The following CNTNAP2 variants were observed in gnomAD, a reference collection of about 807,000 sequenced individuals.
CNTNAP2 encodes the protein contactin associated protein 2.
A neutral mutation model predicts 155.2 loss-of-function variants in CNTNAP2; 98 were observed. The ratio of observed to expected loss-of-function variants is 0.63; its 90% CI spans 0.54 to 0.75. The LOEUF is 0.75. Among genes scored for constraint, CNTNAP2 ranks in the 30% least tolerant of loss-of-function variants. CNTNAP2 has a pLI of 0.00. For synonymous variants in CNTNAP2, 651 were observed against 631.2 expected (o/e 1.03, Z -0.47); for missense variants, 1,727 against 1,688.1 (o/e 1.02, Z -0.40).
chr7:147,476,403 C>T (rs960089925), intron 10 of CNTNAP2, among the ~76,000 whole-genome samples: 8 of 151,956 alleles, frequency 5.3e-5, no homozygotes, highest in Admixed American at 1.3e-4. Context: ...CCGCGCCCAC[C>T]TCTGTTTATT....
At chr7:147,696,857 G>A (rs1480028295) in intron 13 of CNTNAP2, among the ~76,000 whole-genome samples, 2 of 151,918 alleles carry the variant, frequency 1.3e-5, no homozygotes, top group African/African-American at 4.8e-5. Flanking sequence ...CATGGTCTCT[G>A]AGGAGATGTC....
chr7:148,021,664 A>C (rs1802281084), intron 15 of CNTNAP2, among the ~76,000 whole-genome samples: 1 of 152,164 alleles, frequency 6.6e-6, no homozygotes, highest in Non-Finnish European at 1.5e-5. Flanking sequence ...CTGGAAAGCT[A>C]CTCTGTGCTC....
At chr7:146,327,568 G>A (rs539554731) in intron 1 of CNTNAP2, among the ~76,000 whole-genome samples, 2 of 152,302 alleles carry the variant, frequency 1.3e-5, no homozygotes, top group South Asian at 2.1e-4. Flanking sequence ...CTAGCAAGCA[G>A]TCCATACATT....
intron 14 of CNTNAP2, among the ~76,000 whole-genome samples, chr7:147,926,035 G>A (rs1333918167): frequency 3.3e-5 from 5 of 152,082 alleles, no homozygotes; most frequent in Non-Finnish European, 7.4e-5. Flanking sequence ...AAGAATTTAG[G>A]GATGCTGACA....
At chr7:147,010,785 T>C (rs1608630) in intron 3 of CNTNAP2, among the ~76,000 whole-genome samples, 84,482 of 151,922 alleles carry the variant, frequency 0.56, 24,605 homozygotes, top group African/African-American at 0.71. Flanking sequence ...ATCATTGTAG[T>C]GATAATCAAT....
intron 1 of CNTNAP2, among the ~76,000 whole-genome samples, chr7:146,320,093 G>A (rs764794659): frequency 4.0e-5 from 6 of 150,074 alleles, no homozygotes; most frequent in Non-Finnish European, 8.8e-5. Context: ...CTCCATTACT[G>A]CAGCAAAAAA....
intron 9 of CNTNAP2, among the ~76,000 whole-genome samples, chr7:147,362,809 A>T (rs914892413): frequency 2.8e-4 from 43 of 152,326 alleles, no homozygotes; most frequent in African/African-American, 7.9e-4. Flanking sequence ...GCCTAAATGG[A>T]TAAAGAATTA....
rs1185321552 is a variant in CNTNAP2 at position 147,621,146 on chromosome 7, A to T, written c.1898-17960A>T. ...GTATATCTGGTGATGATATCCTTCA[A>T]ATATAAAGGAGAAATAAAGACTTTT... On this transcript the variant is annotated intron_variant, in intron 12 of 23. Transcript: ENST00000361727. Among the ~76,000 whole-genome samples the T allele has an allele frequency of 2.0e-5, 3 of 152,164 alleles. No individual in the cohort carries two copies. In the East Asian group the frequency reaches 5.8e-4, roughly 29 times the overall value.
chr7:146,470,055 G>A (rs1341600341), intron 1 of CNTNAP2, among the ~76,000 whole-genome samples: 2 of 148,478 alleles, frequency 1.3e-5, no homozygotes, highest in Non-Finnish European at 3.0e-5. Context: ...TAGCCAGGAT[G>A]GTCTCGATCT....
At chr7:147,294,966 C>T (rs1805405221) in intron 8 of CNTNAP2, among the ~76,000 whole-genome samples, 1 of 151,902 alleles carries the variant, frequency 6.6e-6, no homozygotes, top group Admixed American at 6.6e-5. Context: ...TGATGAAAGA[C>T]AAATTATTAA....
chr7:146,841,433 C>G (rs2129200933), intron 3 of CNTNAP2, among the ~76,000 whole-genome samples: 1 of 152,212 alleles, frequency 6.6e-6, no homozygotes, highest in Non-Finnish European at 1.5e-5. Context: ...GACCAAACAA[C>G]TGAGAGTAAA....
intron 15 of CNTNAP2, among the ~76,000 whole-genome samples, chr7:148,098,047 T>G (rs1301692522): frequency 6.6e-6 from 1 of 152,178 alleles, no homozygotes; most frequent in African/African-American, 2.4e-5. Context: ...GTGGTTCAAG[T>G]TGGTGACTGA....
intron 9 of CNTNAP2, chr7:147,377,939 G>A: frequency 2.2e-6 from 1 of 448,780 alleles, no homozygotes; most frequent in Non-Finnish European, 4.5e-6. Flanking sequence ...TTCTGAATCT[G>A]AATTTTTAAA....
intron 13 of CNTNAP2, among the ~76,000 whole-genome samples, chr7:147,896,872 A>G (rs1257100515): frequency 6.6e-6 from 1 of 150,924 alleles, no homozygotes; most frequent in Admixed American, 6.6e-5. Flanking sequence ...TTTAAACTAT[A>G]AACTGTAAGT....
chr7:146,607,426 C>A (rs1003482791), intron 1 of CNTNAP2, among the ~76,000 whole-genome samples: 2 of 151,938 alleles, frequency 1.3e-5, no homozygotes, highest in Non-Finnish European at 2.9e-5. Context: ...CCAAACTCAA[C>A]GAGCCTAAAA....
intron 14 of CNTNAP2, among the ~76,000 whole-genome samples, chr7:147,945,396 A>G (rs1800800252): frequency 6.6e-6 from 1 of 152,182 alleles, no homozygotes; most frequent in Non-Finnish European, 1.5e-5. Context: ...TTTCAAGTCT[A>G]AAATGCAATA....
chr7:148,333,925 A>ACTTAGTGGCTAAGTCAC, intron 21 of CNTNAP2, among the ~76,000 whole-genome samples: 1 of 152,338 alleles, frequency 6.6e-6, no homozygotes, highest in Non-Finnish European at 1.5e-5. Flanking sequence ...CCTGTCACTG[A>ACTTAGTGGCTAAGTCAC]TTAGTGGCTA....
intron 1 of CNTNAP2, among the ~76,000 whole-genome samples, chr7:146,337,371 AG>A (rs1007722944): frequency 1.3e-5 from 2 of 152,174 alleles, no homozygotes; most frequent in Non-Finnish European, 2.9e-5. Flanking sequence ...AGTTTGAGAA[AG>A]GGCTAGATCC....
At chr7:146,720,801 A>T (rs1042176899) in intron 1 of CNTNAP2, among the ~76,000 whole-genome samples, 1 of 150,410 alleles carries the variant, frequency 6.6e-6, no homozygotes, top group African/African-American at 2.4e-5. Context: ...TTAAATACAG[A>T]ATACAAACAA....
Sources: gnomAD v4.1 joint callset for allele counts (sites outside exome capture counted in the v4.1 genomes callset) on GRCh38, gnomAD v4.1.1 for gene constraint, MANE v1.5 for transcripts, NCBI Gene and HGNC (gene_info 2026-07-23, HGNC 2026-07-21) for gene names.